NLRC5: variants seen among roughly 807,000 people sequenced by gnomAD.
NLRC5 encodes the protein NLR family CARD domain containing 5, also known as protein NLRC5.
Under a neutral mutation model 206.9 loss-of-function variants are expected in NLRC5, and 114 were observed. The ratio of observed to expected loss-of-function variants is 0.55; its 90% CI spans 0.47 to 0.64. NLRC5 has a LOEUF of 0.64. Among genes scored for constraint, NLRC5 ranks in the 30% least tolerant of loss-of-function variants. The probability of loss-of-function intolerance (pLI) is 0.00; values close to 1 mark genes in which losing one functional copy is unlikely to be tolerated. For missense variants in NLRC5, 2,008 were observed against 2,305.5 expected, an observed-to-expected ratio of 0.87 and a Z score of 2.64; for synonymous variants, 952 against 962.8, an observed-to-expected ratio of 0.99 and a Z score of 0.21.
In NLRC5 at chr16:57,047,591, G is replaced by C; in HGVS notation, c.3385G>C (p.Ala1129Pro). ...GCCCCCAAGCCTCACCCGCCTCTGT[G>C]CCACTCTGAAGGACTGCCCGGGACC... ...LEPPSLTRLC[A>P]TLKDCPGPLE... The change falls in exon 23 of 49, where the codon GCC (alanine) becomes CCC (proline). Residue 1129 changes from alanine (A) to proline (P), a missense_variant. Transcript: ENST00000688547. The C allele has an allele frequency of 6.2e-7, 1 of 1,613,648 alleles. No homozygotes were observed. Among genetic ancestry groups the C allele is most frequent in the Non-Finnish European group, 8.5e-7 (1 of 1,179,822 alleles).
intron 2 of NLRC5, among the ~76,000 whole-genome samples, chr16:57,017,827 A>G (rs1010407932): frequency 6.6e-6 from 1 of 152,238 alleles, no homozygotes; most frequent in Non-Finnish European, 1.5e-5. Flanking sequence ...AAGGCCTAGA[A>G]AGAGGAGAAA....
chr16:57,045,929 C>A (rs941863850), intron 21 of NLRC5, among the ~76,000 whole-genome samples: 1 of 152,266 alleles, frequency 6.6e-6, no homozygotes. Context: ...TCGCAGTAAA[C>A]AACCAATACT....
chr16:57,061,846 T>A, intron 32 of NLRC5, 145 bp downstream of exon 32: 1 of 1,534,942 alleles, frequency 6.5e-7, no homozygotes, highest in Non-Finnish European at 8.7e-7. Flanking sequence ...GCAAACCCTG[T>A]CCATCTGTCC....
chr16:57,004,979 G>A (rs1274914672), intron 1 of NLRC5, among the ~76,000 whole-genome samples: 3 of 152,086 alleles, frequency 2.0e-5, no homozygotes, highest in Admixed American at 6.5e-5. Context: ...GCAACTCCAC[G>A]TGTCTGGATT....
At chr16:57,069,352 T>C (rs1287489560) in intron 36 of NLRC5, among the ~76,000 whole-genome samples, 1 of 152,144 alleles carries the variant, frequency 6.6e-6, no homozygotes, top group East Asian at 1.9e-4. Flanking sequence ...ATCCCAGCAC[T>C]CTGGGAGGCC....
chr16:57,079,603 G>A lies in NLRC5; in HGVS notation c.5295G>A (p.Thr1765=), dbSNP rs143346946. The A allele has an allele frequency of 2.7e-4, 431 of 1,613,912 alleles. No individual in the cohort carries two copies. The highest frequency in any genetic ancestry group is 3.3e-4 in the Non-Finnish European group (391 of 1,179,926). ...QTAKLLTSSF[T]SCPALEVILL... is the part of the protein sequence containing the mutation. The stretch of plus-strand genomic sequence containing the variant: ...CCAAGCTCCTCACCTCCAGCTTCAC[G>A]AGCTGCCCTGCCCTGGAAGTAATCT... The change falls in exon 46 of 49, where the codon ACG becomes ACA. Residue 1765 remains threonine (T), a synonymous_variant. Coordinates refer to ENST00000688547, the MANE Select transcript of NLRC5 (RefSeq NM_001384950.1).
At chr16:57,030,628 A>T (rs796951707) in intron 10 of NLRC5, among the ~76,000 whole-genome samples, 1 of 150,662 alleles carries the variant, frequency 6.6e-6, no homozygotes. Context: ...GGATGGATGG[A>T]TGGATGGATG....
At chr16:57,066,997 C>T (rs1327962134) in intron 34 of NLRC5, among the ~76,000 whole-genome samples, 3 of 152,206 alleles carry the variant, frequency 2.0e-5, no homozygotes, top group Non-Finnish European at 4.4e-5. Context: ...AAGGCTTAGT[C>T]AAACACTTCC....
chr16:57,056,848 G>A (rs565416571), intron 27 of NLRC5, among the ~76,000 whole-genome samples: 2 of 151,748 alleles, frequency 1.3e-5, no homozygotes, highest in South Asian at 2.1e-4. Flanking sequence ...TAGTAGAGAC[G>A]GGGTTTCACC....
intron 19 of NLRC5, among the ~76,000 whole-genome samples, chr16:57,043,295 A>G (rs2063516800): frequency 6.6e-6 from 1 of 152,098 alleles, no homozygotes; most frequent in Admixed American, 6.5e-5. Context: ...CTCTGTCACC[A>G]ACATGTCTCA....
chr16:57,006,980 C>CATCATCT (rs2058986894), intron 1 of NLRC5, among the ~76,000 whole-genome samples: 1 of 151,548 alleles, frequency 6.6e-6, no homozygotes, highest in Admixed American at 6.6e-5. Flanking sequence ...CTTATTTACT[C>CATCATCT]ATCATCTTGT....
intron 4 of NLRC5, among the ~76,000 whole-genome samples, chr16:57,023,365 A>C (rs2060884348): frequency 6.6e-6 from 1 of 152,126 alleles, no homozygotes; most frequent in Non-Finnish European, 1.5e-5. Flanking sequence ...GGATGATAAA[A>C]CCCTAACAGA....
chr16:57,054,630 G>A, intron 24 of NLRC5, 121 bp from the exon 25 acceptor site: 1 of 784,090 alleles, frequency 1.3e-6, no homozygotes, highest in South Asian at 1.4e-5. Flanking sequence ...TTGATCCCCT[G>A]CCTGCTTCCC....
rs1319202397 is a variant in NLRC5, at chr16:57,067,542, G to A, written c.4406+72G>A. ...CCCTGGTACCTACTCCAGGCCATGT[G>A]TGACCCTGGCATTCTCACTTCCTTG... On this transcript the variant is annotated intron_variant, in intron 35 of 48. Transcript: ENST00000688547. 3 of 1,471,522 alleles carry A rather than the reference G, an allele frequency of 2.0e-6. No homozygotes were observed. The East Asian group carries it at 6.8e-5, about 34-fold the overall frequency. 91.2% of individuals were successfully genotyped at this position (1,471,522 alleles called of 1,614,324 possible).
rs373402337 is a variant in NLRC5, at chr16:57,042,052, C to G, written c.3100C>G (p.Leu1034Val). Residue 1034 changes from leucine to valine, a missense_variant, in exon 19 of 49, where the codon CTG (leucine) becomes GTG (valine). Transcript: ENST00000688547. The stretch of plus-strand genomic sequence containing the variant: ...TCAGCTGCTCCCAGGGCTGGGAGCT[C>G]TGCAGTCCTTGAAGTGAGTAGCCCG... ...LAQLLPGLGA[L>V]QSLNLSENGL... The G allele has an allele frequency of 1.1e-5, 17 of 1,561,014 alleles. No individual in the cohort carries two copies. Among genetic ancestry groups the G allele is most frequent in the Non-Finnish European group, 1.2e-5 (14 of 1,157,266 alleles).
At chr16:57,072,710 A>AAAATACACAGTGGCTATG (rs2144966239) in intron 38 of NLRC5, among the ~76,000 whole-genome samples, 1 of 18,296 alleles carries the variant, frequency 5.5e-5, no homozygotes, top group East Asian at 1.9e-3. Context: ...CTGATGACCA[A>AAAATACACAGTGGCTATG]AAAAGTTCCA....
At chr16:56,999,937 A>C (rs992795910) in intron 1 of NLRC5, among the ~76,000 whole-genome samples, 1 of 151,868 alleles carries the variant, frequency 6.6e-6, no homozygotes, top group Non-Finnish European at 1.5e-5. Flanking sequence ...CACATGGGGA[A>C]CCCCCCGGGA....
chr16:57,028,676 G>A (rs1343075966), intron 8 of NLRC5, among the ~76,000 whole-genome samples: 10 of 152,200 alleles, frequency 6.6e-5, no homozygotes, highest in East Asian at 1.9e-4. Flanking sequence ...ATAGCAGTGC[G>A]TAGGCAGGAA....
chr16:57,016,212 C>T (rs1304274580), intron 1 of NLRC5, among the ~76,000 whole-genome samples: 1 of 152,144 alleles, frequency 6.6e-6, no homozygotes, highest in Middle Eastern at 3.2e-3. Flanking sequence ...AAGACTCCAT[C>T]TCAAGAAAAA....
Sources: allele counts gnomAD v4.1 joint callset (sites outside exome capture counted in the v4.1 genomes callset), GRCh38; gene constraint gnomAD v4.1.1; transcripts MANE v1.5; gene names NCBI Gene and HGNC (gene_info 2026-07-23, HGNC 2026-07-21).